The following EPHA8 variants were observed in gnomAD, a reference collection of about 807,000 sequenced individuals.
EPHA8 encodes the protein EPH receptor A8.
Under a neutral mutation model 103.6 loss-of-function variants are expected in EPHA8, and 58 were observed. That is an observed-to-expected ratio of 0.56 (90% confidence interval 0.45 to 0.70). EPHA8 has a LOEUF of 0.70. EPHA8 is among the 30% of genes least tolerant of loss of function. The pLI, the probability that EPHA8 is intolerant of heterozygous loss-of-function variation, is 0.00. For synonymous variants in EPHA8, 559 were observed against 572.5 expected (o/e 0.98, Z 0.34); for missense variants, 1,304 against 1,395.2 (o/e 0.93, Z 1.04).
rs1641295491 is a variant in EPHA8, at chr1:22,588,976, A to G, written c.1085A>G (p.Tyr362Cys). The change falls in exon 5 of 17, where the codon TAC (tyrosine) becomes TGC (cysteine). Residue 362 changes from tyrosine to cysteine, a missense_variant. Physicochemically the swap from Tyr to Cys is radical, Grantham distance 194. Transcript: ENST00000166244. ...LDPGGRSDIT[Y>C]NAVCRRCPWA... is the part of the protein sequence containing the mutation. ...CCAGGTGGCCGCAGTGACATCACCT[A>G]CAATGCCGTGTGCCGCCGCTGCCCC... 1 of 1,613,550 alleles carries G rather than the reference A, an allele frequency of 6.2e-7. No homozygotes were observed. The highest frequency in any genetic ancestry group is 1.1e-5 in the South Asian group (1 of 91,050).
chr1:22,600,978 CTG>C lies in EPHA8; in HGVS notation c.2621_2622del (p.Cys874LeufsTer26). The C allele has an allele frequency of 6.2e-7, 1 of 1,613,126 alleles. No individual in the cohort carries two copies. Among genetic ancestry groups the C allele is most frequent in the Non-Finnish European group, 8.5e-7 (1 of 1,179,884 alleles). ...PHALHQLMLD[C>X]WHKDRAQRPR... is the part of the protein sequence containing the mutation. Reference sequence around the variant, plus strand: ...ACGCCCTGCACCAGCTCATGCTCGACTGTTGGCACAAGGACCGGGCGCAGCGG... The same window carrying C: ...ACGCCCTGCACCAGCTCATGCTCGACTTGGCACAAGGACCGGGCGCAGCGG... On this transcript the variant is annotated frameshift_variant, in exon 15 of 17. Transcript: ENST00000166244. LOFTEE classifies it high-confidence loss of function.
At chr1:22,565,195 C>T (rs1463069236) in intron 1 of EPHA8, among the ~76,000 whole-genome samples, 2 of 152,302 alleles carry the variant, frequency 1.3e-5, no homozygotes, top group East Asian at 1.9e-4. Flanking sequence ...GTAAGGAGCC[C>T]GTCGTTTGCA....
At position 22,586,461 on chromosome 1, in the gene EPHA8, G is replaced by A. The variant is rs367579366; in HGVS notation, c.824-19G>A. 1.4e-5 allele frequency: 23 copies of A among 1,611,140 alleles called. 1 individual carries two copies. The highest frequency in any genetic ancestry group is 1.1e-4 in the East Asian group (5 of 44,850). The stretch of plus-strand genomic sequence containing the variant: ...GGGTGGCCCTGCTGGCTCATGTGCA[G>A]CCGCCTTCTCCTCCACAGCCTGTGA... On this transcript the variant is annotated intron_variant, in intron 3 of 16. Coordinates refer to ENST00000166244, the MANE Select transcript of EPHA8 (RefSeq NM_020526.5).
In EPHA8 at chr1:22,569,317, C is replaced by T. The variant is rs367916042; in HGVS notation, c.123C>T (p.His41=). 1,001 of 1,609,914 alleles carry T rather than the reference C, an allele frequency of 6.2e-4. 10 individuals carry two copies. In the South Asian group the frequency reaches 7.5e-3, roughly 12 times the overall value. The stretch of plus-strand genomic sequence containing the variant: ...ATTTGCTGGACACGTCGACCATCCA[C>T]GGGGACTGGGGCTGGCTCACGTATC... ...EVNLLDTSTI[H]GDWGWLTYPA... The change falls in exon 2 of 17, where the codon CAC becomes CAT. Residue 41 remains histidine, a synonymous_variant. Transcript: ENST00000166244. The surrounding 1 kb of genome is among the most constrained non-coding windows in gnomAD (Gnocchi z 4.5).
chr1:22,601,651 C>A lies in EPHA8; in HGVS notation c.2928C>A (p.Thr976=). Residue 976 remains threonine, a synonymous_variant, in exon 17 of 17, where the codon ACC becomes ACA. Coordinates refer to ENST00000166244, the MANE Select transcript of EPHA8 (RefSeq NM_020526.5). ...GGGACGTGCGCGCCCTGGGCATCAC[C>A]CTCATGGGCCACCAGAAGAAGATCC... The part of the protein sequence containing the change: ...NAQDVRALGI[T]LMGHQKKILG... The A allele has an allele frequency of 6.3e-7, 1 of 1,594,560 alleles. No homozygotes were observed. The highest frequency in any genetic ancestry group is 1.1e-5 in the South Asian group (1 of 88,260).
chr1:22,601,461 G>A lies in EPHA8; in HGVS notation c.2891G>A (p.Arg964His), dbSNP rs202016361. ...TACTCCTCTCTGGGCATGGTGCTAC[G>A]CATGAACGCCCAGTGAGTGATGGGT... is the stretch of plus-strand genomic sequence containing the variant. ...GGYSSLGMVL[R>H]MNAQDVRALG... Residue 964 changes from arginine to histidine, a missense_variant, in exon 16 of 17, where the codon CGC becomes CAC. By Grantham distance (29) the Arg-to-His change is conservative (BLOSUM62 0). Coordinates refer to ENST00000166244, the MANE Select transcript of EPHA8 (RefSeq NM_020526.5). 1.5e-4 allele frequency: 236 copies of A among 1,609,688 alleles called. 2 individuals carry two copies. In the South Asian group the frequency reaches 1.9e-3, roughly 13 times the overall value.
Position 22,588,890 on chromosome 1 carries a change from G to A in EPHA8, c.999G>A (p.Val333=). The change falls in exon 5 of 17, where the codon GTG becomes GTA. Residue 333 remains valine (V), a synonymous_variant. Transcript: ENST00000166244. Reference sequence around the variant, plus strand: ...CCTCAGGGCCACCCTCGGCACCAGTGAACCTGATCTCCAGTGTGAATGGGA... The same window carrying A: ...CCTCAGGGCCACCCTCGGCACCAGTAAACCTGATCTCCAGTGTGAATGGGA... ...SACTRPPSAP[V]NLISSVNGTS... 1 of 1,595,124 alleles carries A rather than the reference G, an allele frequency of 6.3e-7. No individual in the cohort carries two copies.
rs1468464548 is a variant in EPHA8 at position 22,600,113 on chromosome 1, AGGAAGGAG to A, written c.2389-539_2389-532del. 6.6e-5 allele frequency among the ~76,000 whole-genome samples: 7 copies of A among 106,380 alleles called. No homozygotes were observed. In the South Asian group the frequency reaches 2.0e-3, roughly 31 times the overall value. The allele number at this position is 106,380 out of a possible 152,430, so 69.8% of individuals were successfully genotyped here. Reference sequence around the variant, plus strand: ...GGAGGGAGGAAGGAGAGAAGGAGGAAGGAAGGAGGGAAGGAGAGAAGGAAGGAGGAGGG... The same window carrying A: ...GGAGGGAGGAAGGAGAGAAGGAGGAAGGAAGGAGAGAAGGAAGGAGGAGGG... On this transcript the variant is annotated intron_variant, in intron 13 of 16. Coordinates refer to ENST00000166244, the MANE Select transcript of EPHA8 (RefSeq NM_020526.5).
At chr1:22,585,343 G>C (rs1641173676) in intron 3 of EPHA8, among the ~76,000 whole-genome samples, 1 of 152,190 alleles carries the variant, frequency 6.6e-6, no homozygotes, top group Non-Finnish European at 1.5e-5. Context: ...TGTGAGGCAT[G>C]AAACAGGCAG....
In EPHA8 at chr1:22,579,723, G is replaced by A. The variant is rs557072082; in HGVS notation, c.823+2843G>A. Among the ~76,000 whole-genome samples, 6 of 152,280 alleles carry A rather than the reference G, an allele frequency of 3.9e-5. No individual in the cohort carries two copies. The South Asian group carries it at 1.2e-3, about 32-fold the overall frequency. On this transcript the variant is annotated intron_variant, in intron 3 of 16. Transcript: ENST00000166244. ...GCTGTTGAGATCATTGGATCCCCTG[G>A]ACAGAGGAGGTGAAAGGGAGGAGGA...
At chr1:22,585,855 C>T (rs957609931) in intron 3 of EPHA8, among the ~76,000 whole-genome samples, 2 of 152,172 alleles carry the variant, frequency 1.3e-5, no homozygotes, top group African/African-American at 4.8e-5. Flanking sequence ...ACCCCAGGTA[C>T]CGGCCCTGGC....
intron 3 of EPHA8, among the ~76,000 whole-genome samples, chr1:22,585,058 C>CGCGT (rs1641164502): frequency 1.9e-5 from 2 of 103,834 alleles, no homozygotes; most frequent in African/African-American, 5.3e-5. Context: ...TGTGCGCACG[C>CGCGT]GTGTGTCTAG....
chr1:22,578,449 TGC>T (rs1394659229), intron 3 of EPHA8, among the ~76,000 whole-genome samples: 2 of 151,800 alleles, frequency 1.3e-5, no homozygotes, highest in African/African-American at 4.8e-5. Flanking sequence ...TGTGCATGTG[TGC>T]GAGTGTATGC....
chr1:22,601,973 C>T lies in EPHA8; in HGVS notation c.*232C>T. 1 of 580,294 alleles carries T rather than the reference C, an allele frequency of 1.7e-6. No individual in the cohort carries two copies. Among genetic ancestry groups the T allele is most frequent in the Non-Finnish European group, 3.0e-6 (1 of 332,754 alleles). 35.9% of individuals were successfully genotyped at this position (580,294 alleles called of 1,614,324 possible). On this transcript the variant is annotated 3_prime_UTR_variant, in exon 17 of 17. Coordinates refer to ENST00000166244, the MANE Select transcript of EPHA8 (RefSeq NM_020526.5). Reference sequence around the variant, plus strand: ...GGACACCTGTCCCCCAGGGCAGGCACCTTCTCTTTTCCAGAGCCTGGGGCC... The same window carrying T: ...GGACACCTGTCCCCCAGGGCAGGCATCTTCTCTTTTCCAGAGCCTGGGGCC...
At chr1:22,600,042 G>C (rs568525276) in intron 13 of EPHA8, among the ~76,000 whole-genome samples, 86 of 118,650 alleles carry the variant, frequency 7.2e-4, no homozygotes, top group African/African-American at 2.6e-3. Context: ...AGGAGGGAGG[G>C]AGTGGAGGAG....
chr1:22,599,641 G>GGAA (rs1472174825), intron 13 of EPHA8, among the ~76,000 whole-genome samples: 7 of 73,496 alleles, frequency 9.5e-5, no homozygotes, highest in Non-Finnish European at 1.5e-4. Flanking sequence ...AAGGAAGGGA[G>GGAA]GGAGGGAAGG....
Position 22,593,828 on chromosome 1 carries a change from T to C in EPHA8, c.1603+142T>C, listed in dbSNP as rs571971849. 1.4e-5 allele frequency: 15 copies of C among 1,065,712 alleles called. No individual in the cohort carries two copies. In the African/African-American group the frequency reaches 2.2e-4, roughly 16 times the overall value. 66.0% of individuals were successfully genotyped at this position (1,065,712 alleles called of 1,614,324 possible). On this transcript the variant is annotated intron_variant, in intron 7 of 16. Coordinates refer to ENST00000166244, the MANE Select transcript of EPHA8 (RefSeq NM_020526.5). Reference sequence around the variant, plus strand: ...GCTCTCCTTGCCCTACCAAGTGGGGTTGTCGGAGTTTTTTATTTAATTGAG... The same window carrying C: ...GCTCTCCTTGCCCTACCAAGTGGGGCTGTCGGAGTTTTTTATTTAATTGAG...
At position 22,601,052 on chromosome 1, in the gene EPHA8, G is replaced by A. The variant is rs780307964; in HGVS notation, c.2693G>A (p.Ser898Asn). The change falls in exon 15 of 17, where the codon AGC becomes AAC. Residue 898 changes from serine to asparagine, a missense_variant. By Grantham distance (46) the Ser-to-Asn change is conservative. Coordinates refer to ENST00000166244, the MANE Select transcript of EPHA8 (RefSeq NM_020526.5). ...AGTGTCCTCGATGCGCTCATCCGCA[G>A]CCCTGAGAGTCTCAGGGCCACCGCC... The part of the protein sequence containing the change: ...IVSVLDALIR[S>N]PESLRATATV... The A allele has an allele frequency of 1.2e-5, 19 of 1,611,572 alleles. No individual in the cohort carries two copies. The South Asian group carries it at 2.1e-4, about 18-fold the overall frequency.
At chr1:22,568,006 G>T (rs1208408986) in intron 1 of EPHA8, among the ~76,000 whole-genome samples, 1 of 152,224 alleles carries the variant, frequency 6.6e-6, no homozygotes, top group Non-Finnish European at 1.5e-5. Flanking sequence ...GACGGCTGAA[G>T]CCGGAGCCCT....
Sources: allele counts gnomAD v4.1 joint callset (sites outside exome capture counted in the v4.1 genomes callset), GRCh38; gene constraint gnomAD v4.1.1; non-coding constraint Gnocchi (gnomAD v3.1); transcripts MANE v1.5; gene names NCBI Gene and HGNC (gene_info 2026-07-23, HGNC 2026-07-21).